The following PRR16 variants were observed in gnomAD, a reference collection of about 807,000 sequenced individuals.
The protein encoded by PRR16 is protein Largen.
A neutral mutation model predicts 18.2 loss-of-function variants in PRR16; 6 were observed. The observed-to-expected ratio is 0.33, with a 90% CI of 0.18 to 0.65. PRR16 has a LOEUF of 0.65. Among genes scored for constraint, PRR16 ranks in the 30% least tolerant of loss-of-function variants. PRR16 has a pLI of 0.74. For missense variants in PRR16, 412 were observed against 376.6 expected (o/e 1.09, Z -0.78); for synonymous variants, 151 against 147.8 (o/e 1.02, Z -0.16).
At chr5:120,786,402 ACAGT>A in the PRR16 span, among the ~76,000 whole-genome samples, 16 of 151,854 alleles carry the variant, frequency 1.1e-4, no homozygotes, top group African/African-American at 2.4e-4. Context: ...GCTGCTTTTA[ACAGT>A]CAGGAGAAAT....
At chr5:120,629,419 GT>G (rs1293716494) in intron 1 of PRR16, among the ~76,000 whole-genome samples, 3 of 151,968 alleles carry the variant, frequency 2.0e-5, no homozygotes, top group Non-Finnish European at 4.4e-5. Context: ...TTCTAAATAT[GT>G]TTTTTGTAAC....
At chr5:120,674,393 T>A (rs1183342944) in intron 1 of PRR16, among the ~76,000 whole-genome samples, 1 of 152,214 alleles carries the variant, frequency 6.6e-6, no homozygotes, top group Non-Finnish European at 1.5e-5. Flanking sequence ...AGGAAGTAAG[T>A]GTCTTTGTCC....
the PRR16 span, among the ~76,000 whole-genome samples, chr5:120,704,593 T>G: frequency 1.8e-4 from 28 of 152,300 alleles, no homozygotes; most frequent in East Asian, 5.0e-3. Flanking sequence ...CTTTCCGTTA[T>G]ATACCAATAT....
intron 1 of PRR16, among the ~76,000 whole-genome samples, chr5:120,676,853 T>C (rs185538672): frequency 8.5e-5 from 13 of 152,278 alleles, no homozygotes; most frequent in Admixed American, 8.5e-4. Flanking sequence ...CCTGAGCGAC[T>C]TTTTCATAAT....
chr5:120,746,653 T>C, the PRR16 span, among the ~76,000 whole-genome samples: 3 of 152,166 alleles, frequency 2.0e-5, no homozygotes. Context: ...AGGTCCTAGC[T>C]CCAGAAATTT....
At chr5:120,480,977 A>C (rs905034542) in intron 1 of PRR16, among the ~76,000 whole-genome samples, 2 of 152,038 alleles carry the variant, frequency 1.3e-5, no homozygotes, top group Non-Finnish European at 2.9e-5. Flanking sequence ...GATTCACTTC[A>C]TGTCTTCAGA....
the PRR16 span, among the ~76,000 whole-genome samples, chr5:120,762,378 AT>A: frequency 5.3e-5 from 8 of 152,090 alleles, no homozygotes; most frequent in Non-Finnish European, 1.0e-4. Context: ...GCCAGCATCT[AT>A]TTTTGACAAC....
chr5:120,666,572 T>G (rs1756385023), intron 1 of PRR16, among the ~76,000 whole-genome samples: 1 of 152,110 alleles, frequency 6.6e-6, no homozygotes, highest in Non-Finnish European at 1.5e-5. Flanking sequence ...TTTTGCCCAT[T>G]CAGTATGATA....
intron 1 of PRR16, among the ~76,000 whole-genome samples, chr5:120,646,149 CA>C: frequency 6.8e-6 from 1 of 147,600 alleles, no homozygotes; most frequent in East Asian, 2.1e-4. Flanking sequence ...GGTTTACAGG[CA>C]GGGGAAAATG....
At chr5:120,567,263 C>T (rs1752766810) in intron 1 of PRR16, among the ~76,000 whole-genome samples, 1 of 152,116 alleles carries the variant, frequency 6.6e-6, no homozygotes. Context: ...CCTACTTTCT[C>T]TTTTCTGCAG....
At chr5:120,682,189 C>G (rs1486159608) in intron 1 of PRR16, among the ~76,000 whole-genome samples, 1 of 152,156 alleles carries the variant, frequency 6.6e-6, no homozygotes, top group African/African-American at 2.4e-5. Flanking sequence ...GTCAGAGGAC[C>G]TTTATCAGGC....
intron 1 of PRR16, among the ~76,000 whole-genome samples, chr5:120,605,296 A>G (rs1422760446): frequency 6.6e-6 from 1 of 152,142 alleles, no homozygotes; most frequent in African/African-American, 2.4e-5. Flanking sequence ...GAAGTCTTTG[A>G]GATTCTTTCC....
chr5:120,782,919 A>T, the PRR16 span, among the ~76,000 whole-genome samples: 4 of 152,256 alleles, frequency 2.6e-5, no homozygotes, highest in East Asian at 7.7e-4. Context: ...TCTAATCTTA[A>T]AGATTTAAAT....
intron 1 of PRR16, among the ~76,000 whole-genome samples, chr5:120,488,197 T>G (rs1446421991): frequency 6.6e-6 from 1 of 152,184 alleles, no homozygotes; most frequent in Non-Finnish European, 1.5e-5. Flanking sequence ...CTTTTTCTGT[T>G]GATTGGAATA....
At chr5:120,528,991 A>T (rs1334863972) in intron 1 of PRR16, among the ~76,000 whole-genome samples, 1 of 152,160 alleles carries the variant, frequency 6.6e-6, no homozygotes, top group African/African-American at 2.4e-5. Flanking sequence ...TGAGTGGAAA[A>T]TCATATTTTT....
At chr5:120,747,613 T>C in the PRR16 span, among the ~76,000 whole-genome samples, 1 of 152,172 alleles carries the variant, frequency 6.6e-6, no homozygotes, top group Non-Finnish European at 1.5e-5. Flanking sequence ...GTACCCACAA[T>C]GAATGCCTGC....
chr5:120,609,334 C>T (rs1754259729), intron 1 of PRR16, among the ~76,000 whole-genome samples: 1 of 151,982 alleles, frequency 6.6e-6, no homozygotes, highest in South Asian at 2.1e-4. Flanking sequence ...CAGACAAAAA[C>T]TCCATAATCA....
chr5:120,653,442 A>G (rs1755860446), intron 1 of PRR16, among the ~76,000 whole-genome samples: 2 of 152,068 alleles, frequency 1.3e-5, no homozygotes, highest in African/African-American at 2.4e-5. Flanking sequence ...AAGTATAATA[A>G]TAAGTGTTAT....
the PRR16 span, among the ~76,000 whole-genome samples, chr5:120,703,380 C>T: frequency 3.3e-5 from 5 of 152,316 alleles, no homozygotes; most frequent in South Asian, 2.1e-4. Flanking sequence ...ACAGGGGATG[C>T]GATGGCTTGG....
Sources: allele counts gnomAD v4.1 joint callset (sites outside exome capture counted in the v4.1 genomes callset), GRCh38; gene constraint gnomAD v4.1.1; transcripts MANE v1.5; gene names NCBI Gene and HGNC (gene_info 2026-07-23, HGNC 2026-07-21).